The following EPHA6 variants were observed in gnomAD, a reference collection of about 807,000 sequenced individuals.
The protein encoded by EPHA6 is EPH receptor A6, also known as ephrin type-A receptor 6.
Under a neutral mutation model 112.0 loss-of-function variants are expected in EPHA6, and 50 were observed. That is an observed-to-expected ratio of 0.45 (90% confidence interval 0.36 to 0.56). The LOEUF (loss-of-function observed/expected upper bound fraction) is 0.56. Among genes scored for constraint, EPHA6 ranks in the 20% least tolerant of loss-of-function variants. EPHA6 has a pLI of 0.00. For synonymous variants in EPHA6, 529 were observed against 490.7 expected, an observed-to-expected ratio of 1.08 and a Z score of -1.03; for missense variants, 1,280 against 1,417.4, an observed-to-expected ratio of 0.90 and a Z score of 1.56.
chr3:97,274,868 A>G (rs11923935), intron 5 of EPHA6, among the ~76,000 whole-genome samples: 32,572 of 152,096 alleles, frequency 0.21, 8,736 homozygotes, highest in African/African-American at 0.62. Context: ...ATTGAAGTCC[A>G]GGCCAGGAAC....
At chr3:97,623,994 C>T (rs2093834406) in intron 13 of EPHA6, among the ~76,000 whole-genome samples, 2 of 151,244 alleles carry the variant, frequency 1.3e-5, no homozygotes, top group South Asian at 4.2e-4. Context: ...TGAAATATAA[C>T]GTGAATGTGA....
intron 12 of EPHA6, among the ~76,000 whole-genome samples, chr3:97,596,277 T>C (rs2093590065): frequency 6.6e-6 from 1 of 152,192 alleles, no homozygotes; most frequent in Admixed American, 6.5e-5. Context: ...AACTTAATTA[T>C]GTTGTCAAAC....
intron 5 of EPHA6, among the ~76,000 whole-genome samples, chr3:97,310,419 T>C (rs1160811225): frequency 6.6e-6 from 1 of 151,470 alleles, no homozygotes; most frequent in Non-Finnish European, 1.5e-5. Context: ...TCATGAAGTA[T>C]ACCTGAGTCT....
chr3:97,502,417 C>T, intron 10 of EPHA6, among the ~76,000 whole-genome samples: 1 of 151,914 alleles, frequency 6.6e-6, no homozygotes, highest in East Asian at 2.0e-4. Flanking sequence ...GATCCACCCA[C>T]CTCGGCCTCC....
At position 96,952,459 on chromosome 3, in the gene EPHA6, G is replaced by A. The variant is rs1477262884; in HGVS notation, c.451-34871G>A. 2.0e-5 allele frequency among the ~76,000 whole-genome samples: 3 copies of A among 152,112 alleles called. No homozygotes were observed. In the East Asian group the frequency reaches 5.8e-4, roughly 29 times the overall value. ...GCTGAGTTAGTTCTTGTGAGAGTAG[G>A]TTATTATAAAGAGGTTTGGCCCTCT... On this transcript the variant is annotated intron_variant, in intron 2 of 17. Coordinates refer to ENST00000389672, the MANE Select transcript of EPHA6 (RefSeq NM_001080448.3).
At chr3:97,315,368 C>T (rs1190779472) in intron 5 of EPHA6, among the ~76,000 whole-genome samples, 1 of 151,624 alleles carries the variant, frequency 6.6e-6, no homozygotes, top group African/African-American at 2.4e-5. Context: ...AAAGTCGTGG[C>T]ATAACAACAT....
chr3:97,471,061 T>C (rs920406726), intron 7 of EPHA6, among the ~76,000 whole-genome samples: 6 of 151,872 alleles, frequency 4.0e-5, no homozygotes, highest in Non-Finnish European at 7.4e-5. Context: ...GATAATGCTA[T>C]AGACAAGTTT....
intron 3 of EPHA6, among the ~76,000 whole-genome samples, chr3:97,082,023 G>A (rs1576453819): frequency 6.6e-6 from 1 of 151,488 alleles, no homozygotes; most frequent in East Asian, 1.9e-4. Context: ...TTTAAAAATT[G>A]TCTTTGTTTT....
chr3:97,315,482 C>T (rs2081780498), intron 5 of EPHA6, among the ~76,000 whole-genome samples: 1 of 151,538 alleles, frequency 6.6e-6, no homozygotes, highest in South Asian at 2.1e-4. Context: ...GAGTGTGGCC[C>T]ACTCTGTCAT....
chr3:97,158,565 T>C (rs7652089), intron 3 of EPHA6, among the ~76,000 whole-genome samples: 9,188 of 152,222 alleles, frequency 0.06, 939 homozygotes, highest in African/African-American at 0.21. Context: ...GGAGATGATT[T>C]TGAAGGCTCC....
intron 5 of EPHA6, among the ~76,000 whole-genome samples, chr3:97,316,295 A>C (rs1203143804): frequency 2.0e-5 from 3 of 151,844 alleles, no homozygotes; most frequent in Admixed American, 6.6e-5. Flanking sequence ...TAATATTGGC[A>C]ATTGGCAACT....
intron 14 of EPHA6, among the ~76,000 whole-genome samples, chr3:97,693,883 T>A (rs1486601840): frequency 2.0e-5 from 3 of 152,210 alleles, no homozygotes; most frequent in Non-Finnish European, 4.4e-5. Flanking sequence ...TGTTAGCTAT[T>A]ATTATAATCA....
At chr3:97,578,034 C>G (rs2093403507) in intron 11 of EPHA6, among the ~76,000 whole-genome samples, 1 of 151,992 alleles carries the variant, frequency 6.6e-6, no homozygotes, top group African/African-American at 2.4e-5. Context: ...AAATTACATC[C>G]ATGAAGTCTG....
At chr3:97,411,863 C>T (rs1167637838) in intron 6 of EPHA6, among the ~76,000 whole-genome samples, 3 of 152,012 alleles carry the variant, frequency 2.0e-5, no homozygotes, top group Non-Finnish European at 2.9e-5. Flanking sequence ...GGGATATGAT[C>T]CAGTGGTAAT....
At chr3:97,118,680 A>G (rs761510536) in intron 3 of EPHA6, among the ~76,000 whole-genome samples, 1 of 152,026 alleles carries the variant, frequency 6.6e-6, no homozygotes, top group Non-Finnish European at 1.5e-5. Flanking sequence ...AAATATGGCT[A>G]AAGTCCTATT....
chr3:97,038,277 G>A (rs1383608785), intron 3 of EPHA6, among the ~76,000 whole-genome samples: 1 of 151,776 alleles, frequency 6.6e-6, no homozygotes, highest in East Asian at 1.9e-4. Context: ...AGTGTTTGTT[G>A]TTGCAGATTA....
intron 11 of EPHA6, among the ~76,000 whole-genome samples, chr3:97,575,907 G>T (rs1226575649): frequency 1.3e-5 from 2 of 152,116 alleles, no homozygotes; most frequent in Non-Finnish European, 2.9e-5. Flanking sequence ...GGGTGACTAA[G>T]AAAGACAGGT....
intron 2 of EPHA6, among the ~76,000 whole-genome samples, chr3:96,915,015 G>T (rs1276368874): frequency 6.6e-6 from 1 of 151,504 alleles, no homozygotes; most frequent in African/African-American, 2.4e-5. Flanking sequence ...ATACTACTGT[G>T]ATATTATTAT....
At chr3:97,434,315 T>C (rs1187598985) in intron 6 of EPHA6, among the ~76,000 whole-genome samples, 1 of 152,128 alleles carries the variant, frequency 6.6e-6, no homozygotes, top group East Asian at 1.9e-4. Context: ...GCTTTGAGAA[T>C]TTTCTTGGTT....
Sources: allele counts gnomAD v4.1 joint callset (sites outside exome capture counted in the v4.1 genomes callset), GRCh38; gene constraint gnomAD v4.1.1; transcripts MANE v1.5; gene names NCBI Gene and HGNC (gene_info 2026-07-23, HGNC 2026-07-21).